The following GALM variants were observed in gnomAD, a reference collection of about 807,000 sequenced individuals.
The protein encoded by GALM is galactose mutarotase.
In GALM, 43 loss-of-function variants were observed where a neutral mutation model predicts 37.4. That is an observed-to-expected ratio of 1.15 (90% CI 0.90 to 1.48). The LOEUF (loss-of-function observed/expected upper bound fraction) is 1.48. Ranked by LOEUF, GALM falls within the 40% of genes most tolerant of loss-of-function variation. The pLI is 0.00. For missense variants in GALM, 456 were observed against 419.1 expected, an observed-to-expected ratio of 1.09 and a Z score of -0.77; for synonymous variants, 199 against 170.6, an observed-to-expected ratio of 1.17 and a Z score of -1.30.
At chr2:38,728,057 T>C (rs1235661049) in intron 4 of GALM, among the ~76,000 whole-genome samples, 1 of 152,168 alleles carries the variant, frequency 6.6e-6, no homozygotes, top group Non-Finnish European at 1.5e-5. Context: ...TCCTAACATT[T>C]GCATTTACCT....
rs761914535 is a variant in GALM, at chr2:38,731,849, C to G, written c.891C>G (p.Val297=). 1.2e-6 allele frequency: 2 copies of G among 1,614,146 alleles called. No homozygotes were observed. Among genetic ancestry groups the G allele is most frequent in the South Asian group, 2.2e-5 (2 of 91,092 alleles). Reference sequence around the variant, plus strand: ...CATTAAAGGGCAAGAATGGAGCTGTCTATCCCAAGCACTCCGGTTTCTGCC... The same window carrying G: ...CATTAAAGGGCAAGAATGGAGCTGTGTATCCCAAGCACTCCGGTTTCTGCC... ...DGTLKGKNGA[V]YPKHSGFCLE... The change falls in exon 6 of 7, where the codon GTC becomes GTG. Residue 297 remains valine (V), a synonymous_variant. Transcript: ENST00000272252.
intron 4 of GALM, among the ~76,000 whole-genome samples, chr2:38,704,506 C>CA (rs950822306): frequency 6.6e-6 from 1 of 151,658 alleles, no homozygotes; most frequent in Non-Finnish European, 1.5e-5. Flanking sequence ...ATTTTTACTA[C>CA]AAAAAAATAG....
chr2:38,691,406 G>A (rs1391087816), intron 4 of GALM, among the ~76,000 whole-genome samples: 5 of 152,160 alleles, frequency 3.3e-5, no homozygotes, highest in Admixed American at 2.6e-4. Flanking sequence ...CGCTGGGTAT[G>A]GTGGCTCACA....
At chr2:38,725,439 G>C (rs999082090) in intron 4 of GALM, among the ~76,000 whole-genome samples, 10 of 152,120 alleles carry the variant, frequency 6.6e-5, no homozygotes, top group African/African-American at 1.9e-4. Context: ...AGGAAGCTGA[G>C]ACAGGAGGAT....
intron 4 of GALM, among the ~76,000 whole-genome samples, chr2:38,707,199 T>C (rs1011596613): frequency 6.6e-6 from 1 of 152,074 alleles, no homozygotes; most frequent in African/African-American, 2.4e-5. Context: ...CCTGTACACC[T>C]GACCTTACAC....
chr2:38,673,160 G>A (rs1665157791), intron 1 of GALM, among the ~76,000 whole-genome samples: 1 of 152,188 alleles, frequency 6.6e-6, no homozygotes, highest in African/African-American at 2.4e-5. Flanking sequence ...TTGGGTAATG[G>A]AAACCTGTGA....
intron 3 of GALM, among the ~76,000 whole-genome samples, chr2:38,686,727 T>C (rs1368639980): frequency 6.6e-6 from 1 of 152,128 alleles, no homozygotes; most frequent in East Asian, 1.9e-4. Context: ...CCCAGTAGCA[T>C]TATGTTGTGT....
chr2:38,726,155 G>A (rs533465463), intron 4 of GALM, among the ~76,000 whole-genome samples: 2 of 152,202 alleles, frequency 1.3e-5, no homozygotes, highest in East Asian at 3.9e-4. Flanking sequence ...TTTAGAGGAT[G>A]TAAAGCAACC....
intron 1 of GALM, among the ~76,000 whole-genome samples, chr2:38,675,607 C>A (rs1042279395): frequency 7.2e-6 from 1 of 138,398 alleles, no homozygotes; most frequent in Non-Finnish European, 1.5e-5. Context: ...CTCGCTCTGT[C>A]GCCCAGGCTG....
intron 4 of GALM, among the ~76,000 whole-genome samples, chr2:38,724,519 G>A (rs1210643776): frequency 1.3e-5 from 2 of 152,136 alleles, no homozygotes; most frequent in Non-Finnish European, 2.9e-5. Context: ...GAGACATGGC[G>A]AATCTGGGGG....
chr2:38,723,122 G>A (rs1019683991), intron 4 of GALM, among the ~76,000 whole-genome samples: 1 of 152,168 alleles, frequency 6.6e-6, no homozygotes, highest in African/African-American at 2.4e-5. Flanking sequence ...AGGGTACAGA[G>A]ATAAATAGGG....
At chr2:38,668,882 C>A (rs887533906) in intron 1 of GALM, 4 of 151,980 alleles carry the variant, frequency 2.6e-5, no homozygotes, top group African/African-American at 9.7e-5. Flanking sequence ...TGGTTTTGAG[C>A]CATGCGGAAG....
At chr2:38,679,958 GCCACTATGTTAAT>G in intron 2 of GALM, 1 of 434,646 alleles carries the variant, frequency 2.3e-6, no homozygotes, top group South Asian at 1.7e-5. Flanking sequence ...GTTGAGAACA[GCCACTATGTTAAT>G]CCAAGATTCC....
chr2:38,730,920 C>CAA (rs35932426), intron 5 of GALM, among the ~76,000 whole-genome samples: 30,775 of 123,810 alleles, frequency 0.25, 3,622 homozygotes, highest in Admixed American at 0.3. Context: ...AACTCCATCT[C>CAA]AAAAAAAAAA....
At chr2:38,700,622 A>G (rs1190335855) in intron 4 of GALM, among the ~76,000 whole-genome samples, 1 of 152,052 alleles carries the variant, frequency 6.6e-6, no homozygotes, top group Non-Finnish European at 1.5e-5. Flanking sequence ...GTCGTTACAG[A>G]TGAAGTGAGT....
At chr2:38,725,308 G>T (rs1203424907) in intron 4 of GALM, among the ~76,000 whole-genome samples, 2 of 152,154 alleles carry the variant, frequency 1.3e-5, no homozygotes, top group East Asian at 1.9e-4. Context: ...GCTGAGGCAG[G>T]AGGATTGCTT....
intron 4 of GALM, among the ~76,000 whole-genome samples, chr2:38,709,219 C>T (rs1218418178): frequency 1.3e-5 from 2 of 152,074 alleles, no homozygotes; most frequent in Non-Finnish European, 2.9e-5. Context: ...CTGGCAGTCC[C>T]AGGAGGGGAG....
At chr2:38,727,620 G>T (rs538695802) in intron 4 of GALM, among the ~76,000 whole-genome samples, 2 of 151,638 alleles carry the variant, frequency 1.3e-5, no homozygotes, top group African/African-American at 4.8e-5. Flanking sequence ...CCAGCTCCTC[G>T]GGAGGCTGAG....
At chr2:38,701,402 A>G (rs1163022459) in intron 4 of GALM, among the ~76,000 whole-genome samples, 4 of 152,212 alleles carry the variant, frequency 2.6e-5, no homozygotes, top group Non-Finnish European at 5.9e-5. Flanking sequence ...TTAAGAAAGC[A>G]AAAATGAGTG....
Sources: allele counts gnomAD v4.1 joint callset (sites outside exome capture counted in the v4.1 genomes callset), GRCh38; gene constraint gnomAD v4.1.1; transcripts MANE v1.5; gene names NCBI Gene and HGNC (gene_info 2026-07-23, HGNC 2026-07-21).